TGM1: variants seen among roughly 807,000 people sequenced by gnomAD.
TGM1 encodes protein-glutamine gamma-glutamyltransferase K.
A neutral mutation model predicts 88.7 loss-of-function variants in TGM1; 63 were observed. The observed-to-expected ratio is 0.71, with a 90% CI of 0.58 to 0.88. TGM1 has a LOEUF of 0.88. TGM1 is among the 40% of genes least tolerant of loss of function. The probability of loss-of-function intolerance (pLI) is 0.00; values close to 1 mark genes in which losing one functional copy is unlikely to be tolerated. For synonymous variants in TGM1, 415 were observed against 431.1 expected, an observed-to-expected ratio of 0.96 and a Z score of 0.46; for missense variants, 996 against 1,118.0, an observed-to-expected ratio of 0.89 and a Z score of 1.56.
chr14:24,258,685 C>G lies in TGM1; in HGVS notation c.1160-12G>C, dbSNP rs756489827. 6.2e-7 allele frequency: 1 copy of G among 1,613,102 alleles called. No homozygotes were observed. On this transcript the variant is annotated splice_polypyrimidine_tract_variant and intron_variant, in intron 7 of 14. Transcript: ENST00000206765. ...CAGGCAGCGCAGCACTGTGGAGGAG[C>G]GAAGGTTGGGGTTCAAGGCATGGGT...
Position 24,254,205 on chromosome 14 carries a change from G to C in TGM1, c.2172C>G (p.Val724=), listed in dbSNP as rs761465837. 3 of 1,613,834 alleles carry C rather than the reference G, an allele frequency of 1.9e-6. No homozygotes were observed. In the African/African-American group the frequency reaches 4.0e-5, roughly 22 times the overall value. The change falls in exon 14 of 15, where the codon GTC becomes GTG. Residue 724 remains valine (V), a synonymous_variant. Coordinates refer to ENST00000206765, the MANE Select transcript of TGM1 (RefSeq NM_000359.3). ...KNPLPVTLTN[V]VFRLEGSGLQ... is the part of the protein sequence containing the mutation. Reference sequence around the variant, plus strand: ...ACCCAGAGCCTTCGAGCCGGAAGACGACATTGGTGAGGGTGACGGGAAGGG... The same window carrying C: ...ACCCAGAGCCTTCGAGCCGGAAGACCACATTGGTGAGGGTGACGGGAAGGG...
At chr14:24,258,428 G>A (rs932331730) in intron 8 of TGM1, 40 bp from the exon 9 acceptor site, 10 of 1,611,600 alleles carry the variant, frequency 6.2e-6, no homozygotes, top group Admixed American at 5.0e-5. Flanking sequence ...TGAGCCCCAG[G>A]GTCAGGAGTC....
chr14:24,255,865 G>C lies in TGM1; in HGVS notation c.1491+124C>G. 1 of 848,634 alleles carries C rather than the reference G, an allele frequency of 1.2e-6. No individual in the cohort carries two copies. Among genetic ancestry groups the C allele is most frequent in the South Asian group, 1.4e-5 (1 of 69,340 alleles). 52.6% of individuals were successfully genotyped at this position (848,634 alleles called of 1,614,324 possible). ...GCCTTGATTATCCCCTTTTACAGGTGAGGAAACTGACTTGTATAATGAGTG... is the reference window on the plus strand; with the variant it reads ...GCCTTGATTATCCCCTTTTACAGGTCAGGAAACTGACTTGTATAATGAGTG... On this transcript the variant is annotated intron_variant, in intron 10 of 14. Transcript: ENST00000206765. The surrounding 1 kb of genome is among the most constrained non-coding windows in gnomAD (Gnocchi z 4.0).
At position 24,259,471 on chromosome 14, in the gene TGM1, G is replaced by A. The variant is rs1196423533; in HGVS notation, c.985-222C>T. Among the ~76,000 whole-genome samples, 1 of 152,198 alleles carries A rather than the reference G, an allele frequency of 6.6e-6. No homozygotes were observed. The highest frequency in any genetic ancestry group is 2.4e-5 in the African/African-American group (1 of 41,444). On this transcript the variant is annotated intron_variant, in intron 6 of 14. Transcript: ENST00000206765. The surrounding 1 kb of genome is among the most constrained non-coding windows in gnomAD (Gnocchi z 5.7). ...GGAATGTGAATCCTGGGTGTGCCAA[G>A]TTTTGGGTTTGGCCCTACATTCCAC...
intron 14 of TGM1, among the ~76,000 whole-genome samples, chr14:24,252,041 G>A (rs762330679): frequency 1.1e-4 from 16 of 152,180 alleles, no homozygotes; most frequent in Non-Finnish European, 2.9e-5. Flanking sequence ...GTTCTGGAAT[G>A]TTTATTAAGT....
rs969208208 is a variant in TGM1 at position 24,263,109 on chromosome 14, C to T, written c.-23G>A. On this transcript the variant is annotated 5_prime_UTR_variant, in exon 1 of 15. Coordinates refer to ENST00000206765, the MANE Select transcript of TGM1 (RefSeq NM_000359.3). ...CTCACCTGGCAGCAGTGTTGGCAAC[C>T]GCAGTACTGAGTCCTGGGGCTGAGA... 1 of 154,332 alleles carries T rather than the reference C, an allele frequency of 6.5e-6. No individual in the cohort carries two copies. Among genetic ancestry groups the T allele is most frequent in the East Asian group, 1.9e-4 (1 of 5,224 alleles). The allele number at this position is 154,332 out of a possible 1,614,324, so 9.6% of individuals were successfully genotyped here. A position where few individuals can be genotyped will look rare whatever the true frequency, so the allele number is the denominator to read the frequency against.
Position 24,262,332 on chromosome 14 carries a change from G to A in TGM1, c.21C>T (p.Ser7=), listed in dbSNP as rs150913268. 3.0e-5 allele frequency: 48 copies of A among 1,613,604 alleles called. No individual in the cohort carries two copies. Among genetic ancestry groups the A allele is most frequent in the Admixed American group, 5.0e-5 (3 of 60,032 alleles). MMDGPR[S]DVGRWGGNPL... is the part of the protein sequence containing the mutation. The stretch of plus-strand genomic sequence containing the variant: ...GGTTGCCACCCCAACGGCCCACATC[G>A]GAACGTGGCCCATCCATCATGCCTG... The change falls in exon 2 of 15, where the codon TCC becomes TCT. Residue 7 remains serine, a synonymous_variant. Transcript: ENST00000206765.
intron 13 of TGM1, 138 bp downstream of exon 13, chr14:24,254,526 C>A (rs1338797745): frequency 7.2e-7 from 1 of 1,392,736 alleles, no homozygotes; most frequent in Admixed American, 2.0e-5. Context: ...AAACTGAGGC[C>A]CCAGAGCCGG....
chr14:24,254,682 G>C lies in TGM1; in HGVS notation c.2070C>G (p.Thr690=). Residue 690 remains threonine, a synonymous_variant, in exon 13 of 15, where the codon ACC becomes ACG. Coordinates refer to ENST00000206765, the MANE Select transcript of TGM1 (RefSeq NM_000359.3). ...CATTCACCGTGAGGGAGAGGTCTGG[G>C]GTGCGCAGACGGAAGGTGTGCTGCT... ...LAKQHTFRLR[T]PDLSLTLLGA... 6.2e-7 allele frequency: 1 copy of C among 1,613,916 alleles called. No homozygotes were observed. The highest frequency in any genetic ancestry group is 2.2e-5 in the East Asian group (1 of 44,880).
chr14:24,254,584 C>A, intron 13 of TGM1, 80 bp downstream of exon 13: 1 of 1,606,090 alleles, frequency 6.2e-7, no homozygotes. Context: ...CTGCTGCTGG[C>A]TTAGCGCCCA....
Position 24,260,048 on chromosome 14 carries a change from C to A in TGM1, c.768G>T (p.Val256=). The change falls in exon 5 of 15, where the codon GTG becomes GTT. Residue 256 remains valine (V), a synonymous_variant. Transcript: ENST00000206765. ...LFNPWCPEDI[V]YVDHEDWRQE... ...GCCGCCAATCCTCATGGTCCACGTACACAATGTCCTCTGTGTCCCCAGAAC... is the reference window on the plus strand; with the variant it reads ...GCCGCCAATCCTCATGGTCCACGTAAACAATGTCCTCTGTGTCCCCAGAAC... The A allele has an allele frequency of 3.1e-6, 5 of 1,614,086 alleles. No individual in the cohort carries two copies. The highest frequency in any genetic ancestry group is 3.4e-6 in the Non-Finnish European group (4 of 1,179,894).
At chr14:24,251,444 G>A (rs1346051223) in intron 14 of TGM1, among the ~76,000 whole-genome samples, 1 of 152,154 alleles carries the variant, frequency 6.6e-6, no homozygotes, top group Non-Finnish European at 1.5e-5. Flanking sequence ...TGTTTTCTAG[G>A]TGGAAATGTC....
Position 24,249,392 on chromosome 14 carries a change from T to G in TGM1, c.2375A>C (p.Asp792Ala). The change falls in exon 15 of 15, where the codon GAT (aspartate) becomes GCT (alanine). Residue 792 changes from aspartate to alanine, a missense_variant. Transcript: ENST00000206765. ...IQVDVAPAPG[D>A]GGFFSDAGGD... The stretch of plus-strand genomic sequence containing the variant: ...TCCAGCGTCTGAGAAGAAGCCCCCA[T>G]CCCCAGGGGCTGGGGCCACATCCAC... 2 of 1,613,856 alleles carry G rather than the reference T, an allele frequency of 1.2e-6. No homozygotes were observed. The highest frequency in any genetic ancestry group is 8.5e-7 in the Non-Finnish European group (1 of 1,179,928).
rs1000189283 is a variant in TGM1 at position 24,258,623 on chromosome 14, C to A, written c.1210G>T (p.Ala404Ser). The change falls in exon 8 of 15, where the codon GCC (alanine) becomes TCC (serine). Residue 404 changes from alanine (A) to serine (S), a missense_variant. Ala to Ser is a moderately conservative substitution (Grantham distance 99, BLOSUM62 1). Transcript: ENST00000206765. ...GTAAGGGATGTGTCTGTGTCGTGGG[C>A]GGAGTTGAAGTTGGTGACAGTACGG... ...ATRTVTNFNSAHDTDTSLTMD... is the reference protein window; with the variant it reads ...ATRTVTNFNSSHDTDTSLTMD... The A allele has an allele frequency of 1.4e-5, 23 of 1,614,158 alleles. No homozygotes were observed. The highest frequency in any genetic ancestry group is 1.6e-4 in the Middle Eastern group (1 of 6,062).
chr14:24,250,477 A>G (rs1257184986), intron 14 of TGM1, among the ~76,000 whole-genome samples: 2 of 152,028 alleles, frequency 1.3e-5, no homozygotes, highest in Non-Finnish European at 2.9e-5. Flanking sequence ...AGTCCCTGCT[A>G]CTTGCACAGC....
Position 24,254,281 on chromosome 14 carries a change from C to A in TGM1, c.2096G>T (p.Gly699Val). The change falls in exon 14 of 15, where the codon GGA becomes GTA. Residue 699 changes from glycine to valine, a missense_variant. Gly to Val is a moderately radical substitution (Grantham distance 109). Transcript: ENST00000206765. ...ACACTCCTGGCCAACCACTGCTGCT[C>A]CCAGTAACTGAGAGAAAAAGAGGCC... ...RTPDLSLTLL[G>V]AAVVGQECEV... 1.2e-6 allele frequency: 2 copies of A among 1,614,032 alleles called. No individual in the cohort carries two copies. The highest frequency in any genetic ancestry group is 1.7e-6 in the Non-Finnish European group (2 of 1,179,994).
chr14:24,260,550 C>T lies in TGM1; in HGVS notation c.657G>A (p.Lys219=), dbSNP rs1448013839. Residue 219 remains lysine (K), a synonymous_variant, in exon 4 of 15, where the codon AAG becomes AAA. Transcript: ENST00000206765. ...VHTSPNAIIG[K]FQFTVRTQSD... The stretch of plus-strand genomic sequence containing the variant: ...ATTGTGTGCGGACTGTGAACTGAAA[C>T]TTGCCGATGATGGCGTTGGGGGAAG... 4 of 1,614,238 alleles carry T rather than the reference C, an allele frequency of 2.5e-6. No individual in the cohort carries two copies. The highest frequency in any genetic ancestry group is 4.5e-5 in the East Asian group (2 of 44,882).
At chr14:24,252,983 A>T (rs1950493) in intron 14 of TGM1, among the ~76,000 whole-genome samples, 1 of 152,162 alleles carries the variant, frequency 6.6e-6, no homozygotes. Context: ...GTGTGCCCTC[A>T]CTACACCCAG....
In TGM1 at chr14:24,254,720, G is replaced by T. The variant is rs750568408; in HGVS notation, c.2032C>A (p.Gln678Lys). 10 of 1,613,902 alleles carry T rather than the reference G, an allele frequency of 6.2e-6. No individual in the cohort carries two copies. The highest frequency in any genetic ancestry group is 1.7e-5 in the Admixed American group (1 of 60,012). Residue 678 changes from glutamine (Q) to lysine (K), a missense_variant, in exon 13 of 15, where the codon CAG becomes AAG. Gln to Lys is a moderately conservative substitution (Grantham distance 53). Coordinates refer to ENST00000206765, the MANE Select transcript of TGM1 (RefSeq NM_000359.3). ...NVSGHVKESGQVLAKQHTFRL... is the reference protein window; with the variant it reads ...NVSGHVKESGKVLAKQHTFRL... The stretch of plus-strand genomic sequence containing the variant: ...AAGGTGTGCTGCTTGGCCAGCACCT[G>T]CCCGCTCTCCTTGACGTGGCCTGAG...
Sources: gnomAD v4.1 joint callset for allele counts (sites outside exome capture counted in the v4.1 genomes callset) on GRCh38, gnomAD v4.1.1 for gene constraint, Gnocchi (gnomAD v3.1) non-coding constraint, MANE v1.5 for transcripts, NCBI Gene and HGNC (gene_info 2026-07-23, HGNC 2026-07-21) for gene names.